Variants in TTC12 observed in about 807,000 individuals in gnomAD.
The protein encoded by TTC12 is tetratricopeptide repeat protein 12.
A neutral mutation model predicts 90.1 loss-of-function variants in TTC12; 70 were observed. That is an observed-to-expected ratio of 0.78 (90% CI 0.64 to 0.95). TTC12 has a LOEUF of 0.95. TTC12 is among the 40% of genes least tolerant of loss of function. The pLI is 0.00. For missense variants in TTC12, 819 were observed against 846.1 expected (o/e 0.97, Z 0.40); for synonymous variants, 296 against 311.5 (o/e 0.95, Z 0.53).
At chr11:113,346,643 C>T (rs1486870718) in intron 13 of TTC12, among the ~76,000 whole-genome samples, 6 of 151,450 alleles carry the variant, frequency 4.0e-5, no homozygotes, top group African/African-American at 1.5e-4. Context: ...TCACATGCTA[C>T]CCCTAGTGGA....
intron 16 of TTC12, among the ~76,000 whole-genome samples, chr11:113,358,035 T>C (rs930984718): frequency 2.0e-5 from 3 of 152,160 alleles, no homozygotes; most frequent in African/African-American, 7.2e-5. Flanking sequence ...TGCTGATGAC[T>C]GTGTGTGTGG....
chr11:113,315,093 A>T (rs1382484249), intron 1 of TTC12: 3 of 152,240 alleles, frequency 2.0e-5, no homozygotes, highest in African/African-American at 7.2e-5. Context: ...TGGGCAGATT[A>T]ATTCACTGGA....
At chr11:113,346,890 G>T (rs1949001012) in intron 13 of TTC12, among the ~76,000 whole-genome samples, 1 of 152,052 alleles carries the variant, frequency 6.6e-6, no homozygotes, top group Admixed American at 6.5e-5. Flanking sequence ...GCATTTATTA[G>T]TTACATGAAA....
chr11:113,334,042 T>C (rs1948210041), intron 7 of TTC12, among the ~76,000 whole-genome samples: 1 of 151,970 alleles, frequency 6.6e-6, no homozygotes, highest in Non-Finnish European at 1.5e-5. Context: ...GGAAAATGAG[T>C]GTCAGAAAAG....
intron 2 of TTC12, among the ~76,000 whole-genome samples, chr11:113,320,103 G>A (rs1484245216): frequency 6.6e-6 from 1 of 152,100 alleles, no homozygotes; most frequent in Non-Finnish European, 1.5e-5. Flanking sequence ...TACCCAAGGG[G>A]AAGATGTTTG....
intron 9 of TTC12, 132 bp from the exon 10 acceptor site, chr11:113,339,154 A>T: frequency 1.4e-6 from 1 of 734,394 alleles, no homozygotes; most frequent in Non-Finnish European, 2.1e-6. Flanking sequence ...GCTAACGAAG[A>T]GTTTTAATTA....
rs782187419 is a variant in TTC12, at chr11:113,323,443, G to T, written c.214G>T (p.Ala72Ser). Residue 72 changes from alanine to serine, a missense_variant, in exon 3 of 22, where the codon GCT becomes TCT. By Grantham distance (99) the Ala-to-Ser change is moderately conservative. Coordinates refer to ENST00000529221, the MANE Select transcript of TTC12 (RefSeq NM_017868.4). The stretch of plus-strand genomic sequence containing the variant: ...GACTATGATCAGTCCTCCACAAACT[G>T]CTATGAAGGTTTCTTTTTCTATTGA... ...NKTMISPPQT[A>S]MKSAEEINSE... 8 of 1,581,922 alleles carry T rather than the reference G, an allele frequency of 5.1e-6. No homozygotes were observed. Among genetic ancestry groups the T allele is most frequent in the Non-Finnish European group, 6.8e-6 (8 of 1,169,232 alleles).
chr11:113,325,204 T>A (rs1248728552), intron 5 of TTC12, among the ~76,000 whole-genome samples: 1 of 152,050 alleles, frequency 6.6e-6, no homozygotes, highest in Non-Finnish European at 1.5e-5. Context: ...GTTGGGAAAA[T>A]TAATTATTTG....
downstream of TTC12, among the ~76,000 whole-genome samples, chr11:113,367,317 ACCT>A (rs1285817396): frequency 6.6e-6 from 1 of 152,114 alleles, no homozygotes; most frequent in Admixed American, 6.5e-5. Context: ...AAGTTGCTTA[ACCT>A]CTCTGAGCTT....
At chr11:113,334,901 T>C (rs782099906) in intron 7 of TTC12, 65 bp from the exon 8 acceptor site, 57 of 1,311,962 alleles carry the variant, frequency 4.3e-5, no homozygotes, top group Non-Finnish European at 5.6e-5. Context: ...AGCTGTATAG[T>C]GAGGGGAGTG....
chr11:113,372,375 C>T (rs1351543139), intron 21 of TTC12, among the ~76,000 whole-genome samples: 1 of 152,236 alleles, frequency 6.6e-6, no homozygotes, highest in Non-Finnish European at 1.5e-5. Context: ...GGAGAATCCT[C>T]TGAAACATCA....
chr11:113,341,996 G>C (rs1948713564), intron 12 of TTC12, 71 bp downstream of exon 12: 3 of 1,342,638 alleles, frequency 2.2e-6, no homozygotes, highest in Middle Eastern at 1.8e-4. Flanking sequence ...TGGGTGGACT[G>C]TCCTCCCCAA....
chr11:113,351,924 C>T (rs1949316840), intron 15 of TTC12, 146 bp from the exon 16 acceptor site: 1 of 924,778 alleles, frequency 1.1e-6, no homozygotes. Flanking sequence ...CATCCGTTGC[C>T]AGTGAGACCC....
intron 18 of TTC12, 50 bp downstream of exon 18, chr11:113,360,058 T>C (rs1424835815): frequency 8.7e-6 from 10 of 1,150,610 alleles, no homozygotes; most frequent in African/African-American, 1.5e-5. Context: ...GTTCTTGTTT[T>C]GTTTTGTTTT....
rs7947310 is a variant in TTC12, at chr11:113,322,484, C to A, written c.59-804C>A. 9.5e-4 allele frequency among the ~76,000 whole-genome samples: 145 copies of A among 152,056 alleles called. 1 individual carries two copies. The highest frequency in any genetic ancestry group is 6.6e-3 in the East Asian group (34 of 5,178). On this transcript the variant is annotated intron_variant, in intron 2 of 21. Transcript: ENST00000529221. ...TTTTGTAGTTTTAATAGCAGGAAGT[C>A]GATGGCATCTCTTTCCTCTCTGAAT...
chr11:113,339,464 G>A lies in TTC12; in HGVS notation c.816G>A (p.Met272Ile). The A allele has an allele frequency of 6.2e-7, 1 of 1,610,968 alleles. No homozygotes were observed. The change falls in exon 10 of 22, where the codon ATG becomes ATA. Residue 272 changes from methionine (M) to isoleucine (I), a missense_variant. Coordinates refer to ENST00000529221, the MANE Select transcript of TTC12 (RefSeq NM_017868.4). ...GGGGGATTGAGATCCTGACTGAAAT[G>A]ATAAATGAGTGTAAGCCAGAGATGT... ...YAGGIEILTE[M>I]INECTEQTLF...
chr11:113,335,731 A>G (rs1555143848), intron 8 of TTC12, among the ~76,000 whole-genome samples: 1 of 152,118 alleles, frequency 6.6e-6, no homozygotes, highest in African/African-American at 2.4e-5. Flanking sequence ...TGCCTGGTAC[A>G]TTTTTGTTGT....
At chr11:113,350,629 T>C (rs1949225831) in intron 14 of TTC12, among the ~76,000 whole-genome samples, 1 of 152,252 alleles carries the variant, frequency 6.6e-6, no homozygotes, top group African/African-American at 2.4e-5. Context: ...TGTGTTGTTT[T>C]GTTTTGTTTT....
chr11:113,322,540 C>T (rs1475627756), intron 2 of TTC12, among the ~76,000 whole-genome samples: 1 of 152,108 alleles, frequency 6.6e-6, no homozygotes, highest in Non-Finnish European at 1.5e-5. Context: ...TTGAGATGGT[C>T]AGGTTTAGAT....
Sources: gnomAD v4.1 joint callset for allele counts (sites outside exome capture counted in the v4.1 genomes callset) on GRCh38, gnomAD v4.1.1 for gene constraint, MANE v1.5 for transcripts, NCBI Gene and HGNC (gene_info 2026-07-23, HGNC 2026-07-21) for gene names.